B3GALT1: variants seen among roughly 807,000 people sequenced by gnomAD.
B3GALT1 encodes UDP-Gal:betaGlcNAc beta 1,3-galactosyltransferase, polypeptide 1.
A neutral mutation model predicts 23.2 loss-of-function variants in B3GALT1; 10 were observed. That is an observed-to-expected ratio of 0.43 (90% confidence interval 0.27 to 0.73). The LOEUF (loss-of-function observed/expected upper bound fraction) is 0.73, where lower values mean the gene tolerates loss of function less well. Ranked by LOEUF, B3GALT1 falls within the 30% of genes least tolerant of loss-of-function variation. B3GALT1 has a pLI of 0.21. For synonymous variants in B3GALT1, 156 were observed against 141.5 expected (o/e 1.10, Z -0.73); for missense variants, 299 against 405.4 (o/e 0.74, Z 2.25).
intron 2 of B3GALT1, among the ~76,000 whole-genome samples, chr2:167,630,967 A>G (rs754784103): frequency 3.6e-5 from 5 of 137,340 alleles, no homozygotes; most frequent in Admixed American, 1.5e-4. Flanking sequence ...AAAAGAAACT[A>G]TCAACCATCA....
chr2:167,516,447 C>A (rs1400978880), intron 2 of B3GALT1, among the ~76,000 whole-genome samples: 1 of 152,000 alleles, frequency 6.6e-6, no homozygotes, highest in Non-Finnish European at 1.5e-5. Flanking sequence ...CTGTGATATA[C>A]AAGATTATAC....
At chr2:167,685,067 T>C (rs1420105448) in intron 3 of B3GALT1, among the ~76,000 whole-genome samples, 1 of 152,228 alleles carries the variant, frequency 6.6e-6, no homozygotes, top group Non-Finnish European at 1.5e-5. Flanking sequence ...TACAAGAGTC[T>C]AAGGATATAA....
chr2:167,618,235 A>G (rs1685194300), intron 2 of B3GALT1, among the ~76,000 whole-genome samples: 1 of 152,082 alleles, frequency 6.6e-6, no homozygotes, highest in South Asian at 2.1e-4. Context: ...TTTCTCTAAT[A>G]CAAAATTTCT....
chr2:167,739,588 T>C (rs748633793), intron 3 of B3GALT1, among the ~76,000 whole-genome samples: 4 of 152,176 alleles, frequency 2.6e-5, no homozygotes, highest in Non-Finnish European at 5.9e-5. Flanking sequence ...TTCTTCTTTC[T>C]GATTCTAGCC....
intron 1 of B3GALT1, among the ~76,000 whole-genome samples, chr2:167,489,021 A>G (rs1699665359): frequency 6.6e-6 from 1 of 152,024 alleles, no homozygotes; most frequent in South Asian, 2.1e-4. Context: ...TATTGATGAC[A>G]TTTTCCCCAA....
chr2:167,446,351 G>C (rs965725555), intron 1 of B3GALT1, among the ~76,000 whole-genome samples: 7 of 152,124 alleles, frequency 4.6e-5, no homozygotes, highest in South Asian at 2.1e-4. Flanking sequence ...CTTGGAGTTG[G>C]TCTTCTCGAG....
intron 3 of B3GALT1, among the ~76,000 whole-genome samples, chr2:167,812,999 C>CT: frequency 7.9e-6 from 1 of 126,158 alleles, no homozygotes; most frequent in Admixed American, 7.9e-5. Flanking sequence ...CACCCCCACC[C>CT]CCCCCCACAC....
intron 3 of B3GALT1, among the ~76,000 whole-genome samples, chr2:167,655,389 TG>T (rs1574193368): frequency 6.6e-6 from 1 of 152,196 alleles, no homozygotes; most frequent in East Asian, 1.9e-4. Context: ...AGAAAGATCC[TG>T]AGCATTTGAC....
At chr2:167,480,379 G>A (rs961342187) in intron 1 of B3GALT1, among the ~76,000 whole-genome samples, 33 of 152,148 alleles carry the variant, frequency 2.2e-4, no homozygotes, top group African/African-American at 8.0e-4. Context: ...AGCAGCCTGC[G>A]AGGCTAGAAG....
chr2:167,686,145 T>C (rs1476233335), intron 3 of B3GALT1, among the ~76,000 whole-genome samples: 1 of 152,222 alleles, frequency 6.6e-6, no homozygotes, highest in African/African-American at 2.4e-5. Context: ...AAAGATTAGA[T>C]AGTACACTAG....
At position 167,825,269 on chromosome 2, in the gene B3GALT1, G is replaced by C. The variant is rs533878411; in HGVS notation, c.-230+6476G>C. On this transcript the variant is annotated intron_variant, in intron 4 of 4. Transcript: ENST00000392690. ...ACTGTACTCTAGCCTGGGCGACAGA[G>C]CAAGACTCCGTCTCAAAAAAAAAAA... is the stretch of plus-strand genomic sequence containing the variant. Among the ~76,000 whole-genome samples the C allele has an allele frequency of 2.1e-3, 266 of 126,654 alleles. 1 individual carries two copies. The highest frequency in any genetic ancestry group is 3.3e-3 in the Non-Finnish European group (213 of 64,136). The allele number at this position is 126,654 out of a possible 152,430, so 83.1% of individuals were successfully genotyped here. A position where few individuals can be genotyped will look rare whatever the true frequency, so the allele number is the denominator to read the frequency against.
intron 3 of B3GALT1, among the ~76,000 whole-genome samples, chr2:167,777,674 C>T (rs1688183300): frequency 6.6e-6 from 1 of 152,162 alleles, no homozygotes. Context: ...TTATAGCATT[C>T]TTGCAAAGGA....
At position 167,406,313 on chromosome 2, in the gene B3GALT1, CT is replaced by C. The variant is rs1486151613; in HGVS notation, c.-510-83862del. On this transcript the variant is annotated intron_variant, in intron 1 of 4. Transcript: ENST00000392690. ...TCCAAAATGGCAGTATAGAAGCAAGCTTCATTCACTCCCCACCACAGAAATC... is the reference window on the plus strand; with the variant it reads ...TCCAAAATGGCAGTATAGAAGCAAGCTCATTCACTCCCCACCACAGAAATC... Among the ~76,000 whole-genome samples, 17 of 152,070 alleles carry C rather than the reference CT, an allele frequency of 1.1e-4. 1 individual carries two copies. The highest frequency in any genetic ancestry group is 2.5e-4 in the Non-Finnish European group (17 of 68,014).
chr2:167,338,346 G>T (rs1267145806), intron 1 of B3GALT1, among the ~76,000 whole-genome samples: 1 of 152,036 alleles, frequency 6.6e-6, no homozygotes, highest in Non-Finnish European at 1.5e-5. Context: ...ATTAATCACG[G>T]TAGAATGTAG....
intron 1 of B3GALT1, among the ~76,000 whole-genome samples, chr2:167,380,684 TC>T (rs1474949673): frequency 6.6e-6 from 1 of 152,076 alleles, no homozygotes; most frequent in Non-Finnish European, 1.5e-5. Flanking sequence ...CCTCACAGCA[TC>T]CCCAAGCCTC....
At chr2:167,832,951 C>G (rs1689381955) in intron 4 of B3GALT1, among the ~76,000 whole-genome samples, 1 of 152,176 alleles carries the variant, frequency 6.6e-6, no homozygotes, top group Admixed American at 6.5e-5. Flanking sequence ...AGGGAACGAG[C>G]CAGGGCCATT....
intron 1 of B3GALT1, among the ~76,000 whole-genome samples, chr2:167,384,128 T>G (rs1443326926): frequency 1.3e-5 from 2 of 152,174 alleles, no homozygotes; most frequent in Non-Finnish European, 2.9e-5. Flanking sequence ...CGAAAAACCG[T>G]GATTCCTTTA....
chr2:167,793,281 T>A (rs750570391), intron 3 of B3GALT1, among the ~76,000 whole-genome samples: 9 of 152,090 alleles, frequency 5.9e-5, no homozygotes, highest in Non-Finnish European at 8.8e-5. Context: ...AGGAAGCCAT[T>A]TCCAGAATCT....
chr2:167,740,354 C>G (rs1438561035), intron 3 of B3GALT1, among the ~76,000 whole-genome samples: 1 of 152,026 alleles, frequency 6.6e-6, no homozygotes, highest in African/African-American at 2.4e-5. Flanking sequence ...TGGCCTATTT[C>G]TCTCCAGGAA....
Sources: gnomAD v4.1 joint callset for allele counts (sites outside exome capture counted in the v4.1 genomes callset) on GRCh38, gnomAD v4.1.1 for gene constraint, MANE v1.5 for transcripts, NCBI Gene and HGNC (gene_info 2026-07-23, HGNC 2026-07-21) for gene names.